Variants in ABR observed in about 807,000 individuals in gnomAD.
The protein encoded by ABR is active breakpoint cluster region-related protein.
In ABR, 35 loss-of-function variants were observed where a neutral mutation model predicts 107.2. The ratio of observed to expected loss-of-function variants is 0.33; its 90% CI spans 0.25 to 0.43. The LOEUF (loss-of-function observed/expected upper bound fraction) is 0.43. Among genes scored for constraint, ABR ranks in the 20% least tolerant of loss-of-function variants. The probability of loss-of-function intolerance (pLI) is 1.00; values close to 1 mark genes in which losing one functional copy is unlikely to be tolerated. For missense variants in ABR, 815 were observed against 1,115.2 expected, an observed-to-expected ratio of 0.73 and a Z score of 3.83; for synonymous variants, 498 against 462.0, an observed-to-expected ratio of 1.08 and a Z score of -1.00.
intron 1 of ABR, chr17:1,126,269 G>A (rs1406565224): frequency 6.6e-6 from 1 of 152,388 alleles, no homozygotes; most frequent in Non-Finnish European, 1.5e-5. Flanking sequence ...CCACCAGCAT[G>A]GCTATAGGAG....
chr17:1,060,459 T>A (rs755493541), intron 10 of ABR, among the ~76,000 whole-genome samples: 2 of 152,062 alleles, frequency 1.3e-5, no homozygotes, highest in Non-Finnish European at 2.9e-5. Context: ...AAAGACCCAC[T>A]GTGGAGTAAA....
Position 1,179,334 on chromosome 17 carries a change from C to T in ABR, c.61+333G>A, listed in dbSNP as rs2042035088. Among the ~76,000 whole-genome samples, 1 of 152,062 alleles carries T rather than the reference C, an allele frequency of 6.6e-6. No individual in the cohort carries two copies. Among genetic ancestry groups the T allele is most frequent in the Non-Finnish European group, 1.5e-5 (1 of 67,994 alleles). On this transcript the variant is annotated intron_variant, in intron 1 of 22. Transcript: ENST00000302538. This position sits in a 1 kb window ranked among gnomAD's most constrained non-coding sequence, Gnocchi z 4.9. ...AAGGGCCTCCCTCCCCTGAGGCTCG[C>T]GGAGGCCGGGTTCACAACAGGTGGG...
rs79857786 is a variant in ABR, at chr17:1,111,231, C to T, written c.247-10496G>A. Among the ~76,000 whole-genome samples the T allele has an allele frequency of 3.8e-3, 578 of 152,312 alleles. 3 individuals are homozygous for T. The highest frequency in any genetic ancestry group is 0.013 in the African/African-American group (546 of 41,546). On this transcript the variant is annotated intron_variant, in intron 2 of 22. Transcript: ENST00000302538. ...CGTCCCCGTTCCCCACACCTCTACA[C>T]GGCATGGTGAGACTGACGCCCACTT...
intron 1 of ABR, among the ~76,000 whole-genome samples, chr17:1,178,847 AG>A (rs1382385756): frequency 9.6e-6 from 1 of 104,618 alleles, no homozygotes; most frequent in Non-Finnish European, 1.8e-5. Context: ...AGCAGGAGCA[AG>A]GTGCGGTGGT....
chr17:1,229,504 C>G (rs1357899806), exon 1 of ABR, among the ~76,000 whole-genome samples: 1 of 151,958 alleles, frequency 6.6e-6, no homozygotes, highest in African/African-American at 2.4e-5. Flanking sequence ...TGCAGCCGCT[C>G]CAGGTTGAGT....
chr17:1,183,777 C>T (rs529951549), upstream of ABR, among the ~76,000 whole-genome samples: 6 of 151,888 alleles, frequency 4.0e-5, no homozygotes, highest in South Asian at 2.1e-4. Flanking sequence ...CAGGGAGCCC[C>T]GGTGCGTGCA....
At chr17:1,107,206 G>C (rs114699202) in intron 2 of ABR, among the ~76,000 whole-genome samples, 1 of 152,192 alleles carries the variant, frequency 6.6e-6, no homozygotes, top group South Asian at 2.1e-4. Context: ...GAGGAGCAGC[G>C]TTTTCAGGTG....
chr17:1,012,887 G>A lies in ABR; in HGVS notation c.1852-90C>T, dbSNP rs1597359963. 7 of 1,163,542 alleles carry A rather than the reference G, an allele frequency of 6.0e-6. No individual in the cohort carries two copies. The East Asian group carries it at 7.7e-5, about 13-fold the overall frequency. 72.1% of individuals were successfully genotyped at this position (1,163,542 alleles called of 1,614,324 possible). A position where few individuals can be genotyped will look rare whatever the true frequency, so the allele number is the denominator to read the frequency against. On this transcript the variant is annotated intron_variant, in intron 17 of 22. Coordinates refer to ENST00000302538, the MANE Select transcript of ABR (RefSeq NM_021962.5). ...ACACAGGGGTCCCCTCCCCAAGACT[G>A]CAAATGAGGGCTAGCTCACACCCAG...
intron 1 of ABR, among the ~76,000 whole-genome samples, chr17:1,194,759 T>C (rs1418187311): frequency 8.1e-6 from 1 of 123,992 alleles, no homozygotes; most frequent in Non-Finnish European, 1.7e-5. Flanking sequence ...GTTCAAGCAA[T>C]CCTCCTGCCT....
rs1188232248 is a variant in ABR, at chr17:1,157,470, C to G, written c.61+22197G>C. ...CTCACCATGTTGGCCAGGCTGGTCTCGAACTCCTGACCTCATGTGATCTGC... is the reference window on the plus strand; with the variant it reads ...CTCACCATGTTGGCCAGGCTGGTCTGGAACTCCTGACCTCATGTGATCTGC... On this transcript the variant is annotated intron_variant, in intron 1 of 22. Transcript: ENST00000302538. The surrounding 1 kb of genome is among the most constrained non-coding windows in gnomAD (Gnocchi z 4.7). 6.6e-6 allele frequency among the ~76,000 whole-genome samples: 1 copy of G among 152,096 alleles called. No individual in the cohort carries two copies. Among genetic ancestry groups the G allele is most frequent in the Admixed American group, 6.6e-5 (1 of 15,264 alleles).
chr17:1,224,077 T>C (rs970565194), intron 1 of ABR, among the ~76,000 whole-genome samples: 12 of 152,164 alleles, frequency 7.9e-5, no homozygotes, highest in African/African-American at 2.9e-4. Context: ...ACGTTTATTA[T>C]TCCCATCTGT....
At chr17:1,130,049 C>A (rs912854899) in intron 1 of ABR, among the ~76,000 whole-genome samples, 39 of 152,322 alleles carry the variant, frequency 2.6e-4, no homozygotes, top group African/African-American at 8.2e-4. Context: ...GCATAAAAAT[C>A]ATCACTGGGA....
At chr17:1,211,420 G>A (rs2042900044) in intron 1 of ABR, among the ~76,000 whole-genome samples, 1 of 152,196 alleles carries the variant, frequency 6.6e-6, no homozygotes, top group African/African-American at 2.4e-5. Flanking sequence ...TGCTGTTCCT[G>A]CAGAGGTGTC....
intron 16 of ABR, among the ~76,000 whole-genome samples, chr17:1,046,615 G>A (rs1392170697): frequency 6.6e-5 from 10 of 152,176 alleles, no homozygotes; most frequent in South Asian, 4.1e-4. Context: ...GACAAAGGAC[G>A]CTCACCTTAT....
intron 10 of ABR, among the ~76,000 whole-genome samples, chr17:1,062,343 A>C (rs2034078040): frequency 6.8e-6 from 1 of 147,902 alleles, no homozygotes; most frequent in African/African-American, 2.5e-5. Context: ...ACTGAGGGCT[A>C]TGCATGTTCC....
chr17:1,024,983 A>C (rs1351341780), intron 16 of ABR, among the ~76,000 whole-genome samples: 2 of 148,086 alleles, frequency 1.4e-5, no homozygotes, highest in African/African-American at 5.0e-5. Context: ...TAGCTGGGCG[A>C]GGTGGCGGGC....
At chr17:1,193,322 G>A (rs976898657) in intron 1 of ABR, among the ~76,000 whole-genome samples, 20 of 150,130 alleles carry the variant, frequency 1.3e-4, no homozygotes, top group Non-Finnish European at 2.2e-4. Context: ...CTCCCGGCGA[G>A]TTTGCTGAAC....
chr17:1,065,742 C>CTTTTT (rs56388222), intron 10 of ABR, among the ~76,000 whole-genome samples: 12 of 116,344 alleles, frequency 1.0e-4, no homozygotes, highest in South Asian at 2.9e-4. Context: ...CAAACCAATG[C>CTTTTT]TTTTTTTTTT....
At chr17:1,115,455 C>T (rs2038940356) in intron 2 of ABR, 1 of 152,288 alleles carries the variant, frequency 6.6e-6, no homozygotes, top group African/African-American at 2.4e-5. Context: ...AGCTCAGTAG[C>T]TCTTCAGCCA....
Sources: allele counts gnomAD v4.1 joint callset (sites outside exome capture counted in the v4.1 genomes callset), GRCh38; gene constraint gnomAD v4.1.1; non-coding constraint Gnocchi (gnomAD v3.1); transcripts MANE v1.5; gene names NCBI Gene and HGNC (gene_info 2026-07-23, HGNC 2026-07-21).